Variants in EYA2 observed in about 807,000 individuals in gnomAD.
EYA2 encodes the protein protein phosphatase EYA2.
In EYA2, 31 loss-of-function variants were observed where a neutral mutation model predicts 69.2. That is an observed-to-expected ratio of 0.45 (90% CI 0.34 to 0.60). The LOEUF is 0.60. Among genes scored for constraint, EYA2 ranks in the 20% least tolerant of loss-of-function variants. The probability of loss-of-function intolerance (pLI) is 0.02; values close to 1 mark genes in which losing one functional copy is unlikely to be tolerated. For synonymous variants in EYA2, 257 were observed against 279.4 expected, an observed-to-expected ratio of 0.92 and a Z score of 0.80; for missense variants, 622 against 701.2, an observed-to-expected ratio of 0.89 and a Z score of 1.28.
At chr20:47,135,631 A>G (rs1021187116) in intron 9 of EYA2, among the ~76,000 whole-genome samples, 9 of 151,840 alleles carry the variant, frequency 5.9e-5, no homozygotes, top group Non-Finnish European at 1.2e-4. Context: ...ACAGCTAATT[A>G]GTATGTAAAT....
Position 46,921,459 on chromosome 20 carries a change from G to A in EYA2, c.-11+26472G>A, listed in dbSNP as rs564517248. On this transcript the variant is annotated intron_variant, in intron 1 of 15. Transcript: ENST00000327619. ...TTTCTTTTCTTTCTTCTCCTTTCTCGTTTCTACTGCACCTTCAGGCCATTA... is the reference window on the plus strand; with the variant it reads ...TTTCTTTTCTTTCTTCTCCTTTCTCATTTCTACTGCACCTTCAGGCCATTA... 7.9e-5 allele frequency among the ~76,000 whole-genome samples: 12 copies of A among 152,088 alleles called. No homozygotes were observed. The South Asian group carries it at 1.2e-3, about 16-fold the overall frequency.
At chr20:46,921,512 CTGTGACCTCCCCA>C (rs1985177563) in intron 1 of EYA2, among the ~76,000 whole-genome samples, 1 of 152,212 alleles carries the variant, frequency 6.6e-6, no homozygotes, top group South Asian at 2.1e-4. Context: ...AAGTGCAGAC[CTGTGACCTCCCCA>C]TGGGCAGTCA....
At chr20:47,171,892 G>A (rs1427314735) in intron 11 of EYA2, among the ~76,000 whole-genome samples, 1 of 152,068 alleles carries the variant, frequency 6.6e-6, no homozygotes, top group Admixed American at 6.6e-5. Flanking sequence ...CGGAGTGCAA[G>A]ACCAGCCTGG....
intron 5 of EYA2, among the ~76,000 whole-genome samples, chr20:47,041,561 C>G (rs962703955): frequency 2.6e-5 from 4 of 152,222 alleles, no homozygotes; most frequent in Non-Finnish European, 4.4e-5. Flanking sequence ...CTGGTCTGCT[C>G]TTTTTATCAC....
chr20:46,945,598 T>C (rs1486001968), intron 1 of EYA2, among the ~76,000 whole-genome samples: 1 of 152,096 alleles, frequency 6.6e-6, no homozygotes, highest in African/African-American at 2.4e-5. Context: ...TCTTTGGAGA[T>C]TTGGGAAGCT....
intron 10 of EYA2, among the ~76,000 whole-genome samples, chr20:47,150,493 G>T (rs2033802518): frequency 6.6e-6 from 1 of 151,930 alleles, no homozygotes; most frequent in Non-Finnish European, 1.5e-5. Flanking sequence ...CGAAAGACAG[G>T]GTCTTACTCT....
intron 1 of EYA2, among the ~76,000 whole-genome samples, chr20:46,987,180 C>A (rs1016589793): frequency 1.3e-5 from 2 of 152,166 alleles, no homozygotes; most frequent in Non-Finnish European, 2.9e-5. Flanking sequence ...TGAAACTACT[C>A]CGCTTAACAC....
At chr20:47,005,338 A>C (rs999214675) in intron 4 of EYA2, among the ~76,000 whole-genome samples, 1 of 152,236 alleles carries the variant, frequency 6.6e-6, no homozygotes, top group Non-Finnish European at 1.5e-5. Flanking sequence ...AATGATTTGC[A>C]TACCGAGAGA....
At chr20:47,127,777 C>T (rs1376189333) in intron 9 of EYA2, among the ~76,000 whole-genome samples, 1 of 152,092 alleles carries the variant, frequency 6.6e-6, no homozygotes, top group Non-Finnish European at 1.5e-5. Context: ...GAGTCCAATG[C>T]TTAAGATGTC....
chr20:46,928,266 C>T (rs1568670632), intron 1 of EYA2, among the ~76,000 whole-genome samples: 1 of 152,184 alleles, frequency 6.6e-6, no homozygotes. Context: ...AAAATGGGAA[C>T]CTGAAACCCT....
At chr20:47,134,575 TAC>T (rs10627302) in intron 9 of EYA2, among the ~76,000 whole-genome samples, 4 of 149,480 alleles carry the variant, frequency 2.7e-5, no homozygotes, top group Non-Finnish European at 3.0e-5. Context: ...ACCCACCACA[TAC>T]ACACACACAC....
At chr20:47,088,805 T>G (rs2031980151) in intron 7 of EYA2, among the ~76,000 whole-genome samples, 15 of 152,194 alleles carry the variant, frequency 9.9e-5, no homozygotes, top group Admixed American at 9.8e-4. Flanking sequence ...TAGGCTGGTC[T>G]CAAAGCAATC....
At chr20:46,964,402 T>A (rs1287103904) in intron 1 of EYA2, among the ~76,000 whole-genome samples, 1 of 152,022 alleles carries the variant, frequency 6.6e-6, no homozygotes, top group Non-Finnish European at 1.5e-5. Context: ...GTCACTGGGG[T>A]GTGACAAAGA....
intron 9 of EYA2, among the ~76,000 whole-genome samples, chr20:47,122,637 G>A (rs115232587): frequency 1.3e-5 from 2 of 151,928 alleles, no homozygotes; most frequent in Non-Finnish European, 1.5e-5. Context: ...TTGAGGCAAG[G>A]GACTTTCAAT....
At chr20:47,074,101 G>A in intron 6 of EYA2, 57 bp from the exon 7 acceptor site, 1 of 1,483,484 alleles carries the variant, frequency 6.7e-7, no homozygotes, top group Non-Finnish European at 9.1e-7. Flanking sequence ...CTGACCAACG[G>A]CCCGAGCCCA....
intron 15 of EYA2, among the ~76,000 whole-genome samples, chr20:47,185,680 C>G (rs1173171670): frequency 6.6e-6 from 1 of 151,924 alleles, no homozygotes; most frequent in African/African-American, 2.4e-5. Flanking sequence ...AGGGCTTGGC[C>G]GGGATGAGGG....
chr20:47,135,845 AC>A (rs1568800688), intron 9 of EYA2, among the ~76,000 whole-genome samples: 974 of 78,180 alleles, frequency 0.012, 82 homozygotes, highest in African/African-American at 0.065. Flanking sequence ...AAAAAAACAA[AC>A]AAACAAACAA....
At chr20:46,909,741 ATCGGCAG>A (rs1273921343) in intron 1 of EYA2, among the ~76,000 whole-genome samples, 5 of 152,104 alleles carry the variant, frequency 3.3e-5, no homozygotes, top group Admixed American at 3.3e-4. Flanking sequence ...CCAAAGTGAA[ATCGGCAG>A]CATTTTCTGG....
At chr20:46,944,187 T>C (rs947539405) in intron 1 of EYA2, among the ~76,000 whole-genome samples, 1 of 152,106 alleles carries the variant, frequency 6.6e-6, no homozygotes, top group Non-Finnish European at 1.5e-5. Context: ...AAAGAGAGGA[T>C]GTCATGGTCC....
Sources: allele counts gnomAD v4.1 joint callset (sites outside exome capture counted in the v4.1 genomes callset), GRCh38; gene constraint gnomAD v4.1.1; transcripts MANE v1.5; gene names NCBI Gene and HGNC (gene_info 2026-07-23, HGNC 2026-07-21).